The following HADHA variants were observed in gnomAD, a reference collection of about 807,000 sequenced individuals.
HADHA encodes hydroxyacyl-CoA dehydrogenase trifunctional multienzyme complex subunit alpha.
Under a neutral mutation model 91.3 loss-of-function variants are expected in HADHA, and 59 were observed. The ratio of observed to expected loss-of-function variants is 0.65; its 90% CI spans 0.52 to 0.80. HADHA has a LOEUF of 0.80. Ranked by LOEUF, HADHA falls within the 30% of genes least tolerant of loss-of-function variation. HADHA has a pLI of 0.00. For missense variants in HADHA, 800 were observed against 927.6 expected (o/e 0.86, Z 1.79); for synonymous variants, 320 against 338.9 (o/e 0.94, Z 0.61).
chr2:26,213,482 T>TC lies in HADHA; in HGVS notation c.919-857dup, dbSNP rs143723253. ...CTTTCTTCAGACTAACATCTCATTA[T>TC]CCCCCACAAATACTGGTCTCACTAA... is the stretch of plus-strand genomic sequence containing the variant. On this transcript the variant is annotated intron_variant, in intron 9 of 19. Coordinates refer to ENST00000380649, the MANE Select transcript of HADHA (RefSeq NM_000182.5). Among the ~76,000 whole-genome samples the TC allele has an allele frequency of 2.6e-5, 4 of 152,296 alleles. No homozygotes were observed. The East Asian group carries it at 7.7e-4, about 29-fold the overall frequency.
rs1670380738 is a variant in HADHA, at chr2:26,221,807, C to T, written c.677-6632G>A. On this transcript the variant is annotated intron_variant, in intron 7 of 19. Coordinates refer to ENST00000380649, the MANE Select transcript of HADHA (RefSeq NM_000182.5). The surrounding 1 kb of genome is among the most constrained non-coding windows in gnomAD (Gnocchi z 4.8). Reference sequence around the variant, plus strand: ...TCCCTTCTGGGACATCCCTTAAGGACAGTGGTGAAGGGATAGCCTCCCAGT... The same window carrying T: ...TCCCTTCTGGGACATCCCTTAAGGATAGTGGTGAAGGGATAGCCTCCCAGT... 6.6e-6 allele frequency among the ~76,000 whole-genome samples: 1 copy of T among 152,176 alleles called. No individual in the cohort carries two copies. Among genetic ancestry groups the T allele is most frequent in the African/African-American group, 2.4e-5 (1 of 41,436 alleles).
At chr2:26,241,477 CAA>C (rs141836425) in intron 1 of HADHA, among the ~76,000 whole-genome samples, 4 of 136,954 alleles carry the variant, frequency 2.9e-5, no homozygotes, top group Non-Finnish European at 1.6e-5. Context: ...ACAACAACAA[CAA>C]AAAAAAAAAA....
Position 26,214,663 on chromosome 2 carries a change from G to T in HADHA, c.800-102C>A. 4.1e-6 allele frequency: 3 copies of T among 738,630 alleles called. No homozygotes were observed. Among genetic ancestry groups the T allele is most frequent in the Non-Finnish European group, 7.4e-6 (3 of 407,764 alleles). The allele number at this position is 738,630 out of a possible 1,614,324, so 45.8% of individuals were successfully genotyped here. A position where few individuals can be genotyped will look rare whatever the true frequency, so the allele number is the denominator to read the frequency against. ...AAAAATGAAGTAATTCTAGCTATCT[G>T]CAAGAACTGCTCTTTATTCTGATAC... On this transcript the variant is annotated intron_variant, in intron 8 of 19. Coordinates refer to ENST00000380649, the MANE Select transcript of HADHA (RefSeq NM_000182.5). The surrounding 1 kb of genome is among the most constrained non-coding windows in gnomAD (Gnocchi z 4.1).
In HADHA at chr2:26,244,603, C is replaced by T; in HGVS notation, c.-7G>A. ...TCGCCCGGCAGGCCACCATCTTGAG[C>T]TGAAGAGGACAGCAGTGGAGAGCGC... On this transcript the variant is annotated 5_prime_UTR_variant, in exon 1 of 20. Coordinates refer to ENST00000380649, the MANE Select transcript of HADHA (RefSeq NM_000182.5). 6.3e-7 allele frequency: 1 copy of T among 1,575,260 alleles called. No individual in the cohort carries two copies. The highest frequency in any genetic ancestry group is 8.6e-7 in the Non-Finnish European group (1 of 1,159,784).
At chr2:26,231,709 G>A (rs1394009418) in intron 6 of HADHA, among the ~76,000 whole-genome samples, 1 of 152,118 alleles carries the variant, frequency 6.6e-6, no homozygotes, top group Non-Finnish European at 1.5e-5. Flanking sequence ...GTTCATGCCT[G>A]TAGTCCTAGC....
At chr2:26,193,511 G>T in intron 17 of HADHA, 66 bp downstream of exon 17, 2 of 1,286,450 alleles carry the variant, frequency 1.6e-6, no homozygotes, top group Non-Finnish European at 2.3e-6. Flanking sequence ...GTAACTCTTT[G>T]GTCTCAGGAA....
At chr2:26,198,796 T>C (rs189614967) in intron 13 of HADHA, among the ~76,000 whole-genome samples, 17 of 151,588 alleles carry the variant, frequency 1.1e-4, no homozygotes, top group African/African-American at 3.9e-4. Flanking sequence ...ACAACTATAA[T>C]CCCAACACTT....
chr2:26,191,525 T>G lies in HADHA; in HGVS notation c.2104A>C (p.Ile702Leu), dbSNP rs202066629. The G allele has an allele frequency of 6.2e-7, 1 of 1,614,164 alleles. No individual in the cohort carries two copies. Among genetic ancestry groups the G allele is most frequent in the South Asian group, 1.1e-5 (1 of 91,088 alleles). The change falls in exon 19 of 20, where the codon ATC becomes CTC. Residue 702 changes from isoleucine (I) to leucine (L), a missense_variant. Physicochemically the swap from Ile to Leu is conservative, Grantham distance 5. Coordinates refer to ENST00000380649, the MANE Select transcript of HADHA (RefSeq NM_000182.5). The part of the protein sequence containing the change: ...GILATPAEGD[I>L]GAVFGLGFPP... ...AAGCCAAGCCCAAAGACGGCTCCGATGTCTCCCTCTGCAGGTGTGGCCAAG... is the reference window on the plus strand; with the variant it reads ...AAGCCAAGCCCAAAGACGGCTCCGAGGTCTCCCTCTGCAGGTGTGGCCAAG...
At position 26,229,655 on chromosome 2, in the gene HADHA, CTT is replaced by C. The variant is rs1048323111; in HGVS notation, c.676+535_676+536del. Among the ~76,000 whole-genome samples, 7 of 152,100 alleles carry C rather than the reference CTT, an allele frequency of 4.6e-5. No individual in the cohort carries two copies. The highest frequency in any genetic ancestry group is 2.1e-4 in the South Asian group (1 of 4,826). Reference sequence around the variant, plus strand: ...GTAATTTAAGAACCAAAAATAATGACTTGACTGAATTCTGTACTCCTAATGTT... The same window carrying C: ...GTAATTTAAGAACCAAAAATAATGACGACTGAATTCTGTACTCCTAATGTT... On this transcript the variant is annotated intron_variant, in intron 7 of 19. Transcript: ENST00000380649. This position sits in a 1 kb window ranked among gnomAD's most constrained non-coding sequence, Gnocchi z 4.3.
chr2:26,237,141 T>G (rs777529667), intron 3 of HADHA, among the ~76,000 whole-genome samples, 153 bp from the exon 4 acceptor site: 3 of 152,150 alleles, frequency 2.0e-5, no homozygotes, highest in Non-Finnish European at 2.9e-5. Flanking sequence ...TCCCAGCAAG[T>G]CAGTAGCTTT....
chr2:26,238,390 A>C (rs1172982866), intron 3 of HADHA, among the ~76,000 whole-genome samples: 1 of 152,218 alleles, frequency 6.6e-6, no homozygotes, highest in Non-Finnish European at 1.5e-5. Flanking sequence ...TCTTGGCAAA[A>C]GAATGGATTA....
Position 26,191,027 on chromosome 2 carries a change from G to A in HADHA, c.*223C>T, listed in dbSNP as rs1669479923. The A allele has an allele frequency of 3.2e-6, 2 of 620,960 alleles. No homozygotes were observed. The highest frequency in any genetic ancestry group is 5.6e-5 in the East Asian group (2 of 35,704). 38.5% of individuals were successfully genotyped at this position (620,960 alleles called of 1,614,324 possible). ...CTAGGCCTCGGGGCTTATACAATGAGCAGTGGGCTCTACCTTCCAACAGGA... is the reference window on the plus strand; with the variant it reads ...CTAGGCCTCGGGGCTTATACAATGAACAGTGGGCTCTACCTTCCAACAGGA... On this transcript the variant is annotated 3_prime_UTR_variant, in exon 20 of 20. Coordinates refer to ENST00000380649, the MANE Select transcript of HADHA (RefSeq NM_000182.5).
intron 5 of HADHA, among the ~76,000 whole-genome samples, chr2:26,233,536 T>C (rs1028619830): frequency 2.0e-5 from 3 of 152,198 alleles, no homozygotes; most frequent in African/African-American, 4.8e-5. Flanking sequence ...TCTTCTATTA[T>C]TTACCGTCTT....
At chr2:26,205,377 A>G (rs1331720961) in intron 11 of HADHA, among the ~76,000 whole-genome samples, 3 of 152,226 alleles carry the variant, frequency 2.0e-5, no homozygotes, top group Non-Finnish European at 4.4e-5. Context: ...TTCAAGTCCT[A>G]GGAGCATCTT....
rs777201797 is a variant in HADHA at position 26,215,139 on chromosome 2, T to G, written c.713A>C (p.Glu238Ala). ...GLKPPEERTI[E>A]YLEEVAITFA... ...AGTAATTGCAACTTCTTCTAGGTAT[T>G]CTATTGTCCGTTCCTCTGGAGGTTT... The change falls in exon 8 of 20, where the codon GAA becomes GCA. Residue 238 changes from glutamate (E) to alanine (A), a missense_variant. By Grantham distance (107) the Glu-to-Ala change is moderately radical. Coordinates refer to ENST00000380649, the MANE Select transcript of HADHA (RefSeq NM_000182.5). 1 of 1,609,824 alleles carries G rather than the reference T, an allele frequency of 6.2e-7. No homozygotes were observed. The highest frequency in any genetic ancestry group is 1.1e-5 in the South Asian group (1 of 91,036).
chr2:26,209,301 G>A (rs1395159316), intron 11 of HADHA, among the ~76,000 whole-genome samples: 1 of 152,194 alleles, frequency 6.6e-6, no homozygotes, highest in Non-Finnish European at 1.5e-5. Flanking sequence ...ATGGAAAAAG[G>A]CTGGCTTATG....
intron 7 of HADHA, among the ~76,000 whole-genome samples, chr2:26,217,600 G>A (rs1032747900): frequency 6.6e-6 from 1 of 152,084 alleles, no homozygotes; most frequent in Non-Finnish European, 1.5e-5. Context: ...ATATATAGAA[G>A]TATAAAGAAA....
At chr2:26,193,043 T>C (rs4665314) in intron 17 of HADHA, among the ~76,000 whole-genome samples, 126,031 of 152,102 alleles carry the variant, frequency 0.83, 52,690 homozygotes, top group African/African-American at 0.96. Context: ...AGAAAGTCAC[T>C]TCTCTGTGGG....
intron 7 of HADHA, among the ~76,000 whole-genome samples, chr2:26,228,378 G>A (rs1189083382): frequency 6.6e-6 from 1 of 152,128 alleles, no homozygotes; most frequent in Non-Finnish European, 1.5e-5. Flanking sequence ...TGATCAGCCT[G>A]CCTCAGCCTC....
Sources: allele counts gnomAD v4.1 joint callset (sites outside exome capture counted in the v4.1 genomes callset), GRCh38; gene constraint gnomAD v4.1.1; non-coding constraint Gnocchi (gnomAD v3.1); transcripts MANE v1.5; gene names NCBI Gene and HGNC (gene_info 2026-07-23, HGNC 2026-07-21).